Variants in MICAL3 observed in about 807,000 individuals in gnomAD.
MICAL3 encodes microtubule associated monooxygenase, calponin and LIM domain containing 3, also known as [F-actin]-monooxygenase MICAL3.
A neutral mutation model predicts 207.4 loss-of-function variants in MICAL3; 62 were observed. The ratio of observed to expected loss-of-function variants is 0.30; its 90% CI spans 0.24 to 0.37. The LOEUF is 0.37. Among genes scored for constraint, MICAL3 ranks in the 10% least tolerant of loss-of-function variants. The pLI is 1.00. For synonymous variants in MICAL3, 1,077 were observed against 1,069.3 expected, an observed-to-expected ratio of 1.01 and a Z score of -0.14; for missense variants, 2,368 against 2,635.6, an observed-to-expected ratio of 0.90 and a Z score of 2.22.
intron 12 of MICAL3, among the ~76,000 whole-genome samples, chr22:17,891,146 G>C (rs539762060): frequency 6.6e-6 from 1 of 152,116 alleles, no homozygotes; most frequent in African/African-American, 2.4e-5. Context: ...GAGTTCAACC[G>C]GGGCCAATAA....
intron 19 of MICAL3, among the ~76,000 whole-genome samples, chr22:17,849,693 T>G (rs1281951953): frequency 1.7e-4 from 23 of 134,366 alleles, no homozygotes; most frequent in Admixed American, 1.5e-3. Context: ...TGTGTATTTT[T>G]TTTTTTTTTT....
chr22:17,921,901 C>T (rs117348569), intron 1 of MICAL3, among the ~76,000 whole-genome samples: 1,989 of 152,230 alleles, frequency 0.013, 27 homozygotes, highest in Non-Finnish European at 0.016. Flanking sequence ...GGAAACAATC[C>T]AAACCCTCAG....
At chr22:18,001,500 G>A (rs1923011890) in intron 1 of MICAL3, 1 of 152,362 alleles carries the variant, frequency 6.6e-6, no homozygotes, top group African/African-American at 2.4e-5. Flanking sequence ...AGCCGGAGAA[G>A]CGGCGCAGCC....
At chr22:17,899,379 A>C (rs747868875) in intron 7 of MICAL3, 69 bp downstream of exon 7, 2 of 1,025,950 alleles carry the variant, frequency 1.9e-6, no homozygotes, top group South Asian at 2.7e-5. Flanking sequence ...AACCCATCAG[A>C]CAATTCTTTC....
intron 16 of MICAL3, 117 bp from the exon 17 acceptor site, chr22:17,872,140 G>C: frequency 1.2e-6 from 1 of 832,230 alleles, no homozygotes; most frequent in Non-Finnish European, 1.8e-6. Flanking sequence ...TCTGCTTTGA[G>C]ACAGACTTCT....
chr22:17,849,042 C>A (rs1428953564), intron 19 of MICAL3, among the ~76,000 whole-genome samples: 1 of 152,250 alleles, frequency 6.6e-6, no homozygotes, highest in African/African-American at 2.4e-5. Context: ...TGGCTTCCTA[C>A]TGGCAGGGAG....
intron 16 of MICAL3, among the ~76,000 whole-genome samples, chr22:17,877,171 G>GGGAGGTTATGGAGGTTAT (rs1928696232): frequency 6.7e-5 from 2 of 30,006 alleles, no homozygotes; most frequent in African/African-American, 4.1e-4. Context: ...ATGGAGGTTA[G>GGGAGGTTATGGAGGTTAT]GGAGGTTAGG....
chr22:17,853,236 C>T (rs1313905349), intron 19 of MICAL3, among the ~76,000 whole-genome samples: 1 of 152,160 alleles, frequency 6.6e-6, no homozygotes, highest in South Asian at 2.1e-4. Flanking sequence ...CAAATTTAGC[C>T]AAGCAGCCAT....
chr22:17,885,847 T>C (rs888115347), intron 16 of MICAL3, 31 bp downstream of exon 16: 2 of 1,608,010 alleles, frequency 1.2e-6, no homozygotes, highest in Non-Finnish European at 1.7e-6. Flanking sequence ...TCTGACCAAA[T>C]CGGTGTGGGC....
intron 1 of MICAL3, among the ~76,000 whole-genome samples, chr22:17,965,657 C>T (rs1040041723): frequency 3.3e-5 from 5 of 152,222 alleles, no homozygotes; most frequent in African/African-American, 1.2e-4. Flanking sequence ...TGCCCCAAGT[C>T]ACACAGTAAG....
chr22:17,817,170 C>T (rs45592838), intron 26 of MICAL3, 141 bp downstream of exon 26: 18,547 of 1,039,550 alleles, frequency 0.018, 720 homozygotes, highest in African/African-American at 0.14. Context: ...ACCCATGGTT[C>T]AGTCCCTTCT....
At chr22:17,877,319 G>A (rs868377920) in intron 16 of MICAL3, among the ~76,000 whole-genome samples, 153 of 102,390 alleles carry the variant, frequency 1.5e-3, no homozygotes, top group African/African-American at 4.6e-3. Context: ...AGGTTAGGGA[G>A]GTTAGGGAGG....
intron 29 of MICAL3, among the ~76,000 whole-genome samples, chr22:17,798,954 G>A (rs1275956180): frequency 6.6e-6 from 1 of 151,886 alleles, no homozygotes; most frequent in Non-Finnish European, 1.5e-5. Context: ...ATTACAGGTG[G>A]GAGCCACCGT....
chr22:17,895,695 A>G (rs571292977), intron 9 of MICAL3, among the ~76,000 whole-genome samples: 2 of 150,190 alleles, frequency 1.3e-5, no homozygotes, highest in African/African-American at 4.8e-5. Context: ...TTACTCTTTT[A>G]TTTTTTCAAG....
intron 1 of MICAL3, among the ~76,000 whole-genome samples, chr22:17,933,073 G>A (rs1933348349): frequency 6.6e-6 from 1 of 152,078 alleles, no homozygotes; most frequent in African/African-American, 2.4e-5. Flanking sequence ...GAGACAGAAG[G>A]TTAACCAGGA....
At chr22:17,927,874 C>T (rs1274214804) in intron 1 of MICAL3, among the ~76,000 whole-genome samples, 1 of 152,156 alleles carries the variant, frequency 6.6e-6, no homozygotes, top group Non-Finnish European at 1.5e-5. Flanking sequence ...CAAGCACCTC[C>T]CACCAGGTGC....
At chr22:17,953,874 T>C (rs765047699) in intron 1 of MICAL3, among the ~76,000 whole-genome samples, 1 of 130,720 alleles carries the variant, frequency 7.6e-6, no homozygotes, top group Non-Finnish European at 1.6e-5. Context: ...GAGGTTGCAG[T>C]GAGCCGAGAT....
rs530406145 is a variant in MICAL3 at position 17,831,431 on chromosome 22, A to C, written c.3055+423T>G. Among the ~76,000 whole-genome samples, 54 of 152,318 alleles carry C rather than the reference A, an allele frequency of 3.5e-4. 1 individual carries two copies. The East Asian group carries it at 8.9e-3, about 25-fold the overall frequency. On this transcript the variant is annotated intron_variant, in intron 21 of 31. Transcript: ENST00000441493. The stretch of plus-strand genomic sequence containing the variant: ...GCGTGCCATCAACTGAGCCCCATCC[A>C]GTGGGCACTAAGCTCATAGCCACCT...
intron 1 of MICAL3, among the ~76,000 whole-genome samples, chr22:17,946,398 T>C (rs149754679): frequency 6.6e-6 from 1 of 152,238 alleles, no homozygotes; most frequent in Non-Finnish European, 1.5e-5. Context: ...ACGACCCACA[T>C]GTGTATTCAC....
Sources: allele counts gnomAD v4.1 joint callset (sites outside exome capture counted in the v4.1 genomes callset), GRCh38; gene constraint gnomAD v4.1.1; transcripts MANE v1.5; gene names NCBI Gene and HGNC (gene_info 2026-07-23, HGNC 2026-07-21).